The following MFHAS1 variants were observed in gnomAD, a reference collection of about 807,000 sequenced individuals.
MFHAS1 encodes multifunctional ROCO family signaling regulator 1.
In MFHAS1, 50 loss-of-function variants were observed where a neutral mutation model predicts 70.4. That is an observed-to-expected ratio of 0.71 (90% CI 0.57 to 0.90). MFHAS1 has a LOEUF of 0.90. Among genes scored for constraint, MFHAS1 ranks in the 40% least tolerant of loss-of-function variants. MFHAS1 has a pLI of 0.00. For synonymous variants in MFHAS1, 952 were observed against 620.0 expected, an observed-to-expected ratio of 1.54 and a Z score of -7.96; for missense variants, 1,795 against 1,347.6, an observed-to-expected ratio of 1.33 and a Z score of -5.20.
chr8:8,877,944 G>A (rs954953121), intron 1 of MFHAS1, among the ~76,000 whole-genome samples: 3 of 152,170 alleles, frequency 2.0e-5, no homozygotes, highest in African/African-American at 7.2e-5. Context: ...CCCTAGGCCT[G>A]CTGAAGTCTT....
intron 1 of MFHAS1, among the ~76,000 whole-genome samples, chr8:8,797,992 A>G (rs192878067): frequency 1.1e-4 from 17 of 152,358 alleles, no homozygotes; most frequent in Middle Eastern, 3.4e-3. Flanking sequence ...ACAGCCTAAG[A>G]TCAGCCCAGC....
intron 1 of MFHAS1, among the ~76,000 whole-genome samples, chr8:8,816,091 A>C (rs13259216): frequency 0.44 from 66,919 of 151,992 alleles, 16,364 homozygotes; most frequent in East Asian, 0.78. Context: ...ATTATACAAA[A>C]TTCTAGACAA....
chr8:8,824,676 T>C (rs993828039), intron 1 of MFHAS1, among the ~76,000 whole-genome samples: 24 of 152,166 alleles, frequency 1.6e-4, no homozygotes, highest in East Asian at 7.7e-4. Flanking sequence ...TGAAGAGATA[T>C]AGATCATCTC....
intron 1 of MFHAS1, among the ~76,000 whole-genome samples, chr8:8,808,176 CT>C (rs1010818027): frequency 7.9e-5 from 12 of 151,740 alleles, no homozygotes; most frequent in African/African-American, 2.2e-4. Context: ...AGACTCTCCC[CT>C]GGGAACCCTC....
Position 8,890,673 on chromosome 8 carries a change from C to A in MFHAS1, c.2386G>T (p.Gly796Trp). ...CGAATGACATGAGCTGGCAAGAGCC[C>A]ATGCAACAGAAAGCCCTCCACATAC... ...HQYVEGFLLHGLLPAHVIRLL... is the reference protein window; with the variant it reads ...HQYVEGFLLHWLLPAHVIRLL... Residue 796 changes from glycine to tryptophan, a missense_variant, in exon 1 of 3, where the codon GGG becomes TGG. Coordinates refer to ENST00000276282, the MANE Select transcript of MFHAS1 (RefSeq NM_004225.3). 1.2e-6 allele frequency: 2 copies of A among 1,613,416 alleles called. No homozygotes were observed. Among genetic ancestry groups the A allele is most frequent in the Non-Finnish European group, 1.7e-6 (2 of 1,179,576 alleles).
chr8:8,893,100 C>T lies in MFHAS1; in HGVS notation c.-42G>A. Reference sequence around the variant, plus strand: ...GACAGCCTCACGCGGACGCGGGAGCCCGCAGCTACATGCCGCGCCGCGCCC... The same window carrying T: ...GACAGCCTCACGCGGACGCGGGAGCTCGCAGCTACATGCCGCGCCGCGCCC... On this transcript the variant is annotated 5_prime_UTR_variant, in exon 1 of 3. Coordinates refer to ENST00000276282, the MANE Select transcript of MFHAS1 (RefSeq NM_004225.3). 3.6e-6 allele frequency: 5 copies of T among 1,377,592 alleles called. No individual in the cohort carries two copies. In the South Asian group the frequency reaches 6.0e-5, roughly 17 times the overall value. 85.3% of individuals were successfully genotyped at this position (1,377,592 alleles called of 1,614,324 possible).
At chr8:8,857,822 T>C (rs968713686) in intron 1 of MFHAS1, among the ~76,000 whole-genome samples, 31 of 152,216 alleles carry the variant, frequency 2.0e-4, no homozygotes, top group African/African-American at 7.5e-4. Flanking sequence ...TGTCCTACAG[T>C]GACATTGACA....
At chr8:8,818,283 A>C (rs1286112671) in intron 1 of MFHAS1, among the ~76,000 whole-genome samples, 5 of 152,148 alleles carry the variant, frequency 3.3e-5, no homozygotes, top group Non-Finnish European at 7.3e-5. Context: ...CACACCCTAC[A>C]ACCTTATTAA....
intron 1 of MFHAS1, among the ~76,000 whole-genome samples, chr8:8,802,487 GA>G (rs1425345108): frequency 6.6e-6 from 1 of 152,196 alleles, no homozygotes; most frequent in Non-Finnish European, 1.5e-5. Flanking sequence ...GACATGGCGA[GA>G]AGACACCATA....
chr8:8,892,051 G>C lies in MFHAS1; in HGVS notation c.1008C>G (p.Asp336Glu), dbSNP rs762472753. The change falls in exon 1 of 3, where the codon GAC (aspartate) becomes GAG (glutamate). Residue 336 changes from aspartate (D) to glutamate (E), a missense_variant. By Grantham distance (45) the Asp-to-Glu change is conservative. Transcript: ENST00000276282. This position sits in a 1 kb window ranked among gnomAD's most constrained non-coding sequence, Gnocchi z 4.7. ...LDNNRIRYLP[D>E]SIVELTGLEE... ...CCAGGCCGGTCAGCTCCACGATGGAGTCCGGCAGGTAGCGGATGCGGTTAT... is the reference window on the plus strand; with the variant it reads ...CCAGGCCGGTCAGCTCCACGATGGACTCCGGCAGGTAGCGGATGCGGTTAT... The C allele has an allele frequency of 2.5e-6, 4 of 1,613,444 alleles. No homozygotes were observed. The highest frequency in any genetic ancestry group is 4.5e-5 in the East Asian group (2 of 44,870).
At chr8:8,881,511 C>A (rs1809522605) in intron 1 of MFHAS1, among the ~76,000 whole-genome samples, 1 of 152,198 alleles carries the variant, frequency 6.6e-6, no homozygotes, top group African/African-American at 2.4e-5. Context: ...CACCATCAGA[C>A]CTCACGCTCC....
intron 1 of MFHAS1, among the ~76,000 whole-genome samples, chr8:8,806,557 G>C (rs1585025574): frequency 6.6e-6 from 1 of 152,162 alleles, no homozygotes; most frequent in Non-Finnish European, 1.5e-5. Context: ...ACTGTTCTCA[G>C]CATCTTCATC....
chr8:8,816,898 C>G (rs1214642440), intron 1 of MFHAS1, among the ~76,000 whole-genome samples: 1 of 152,208 alleles, frequency 6.6e-6, no homozygotes, highest in African/African-American at 2.4e-5. Context: ...CTCTAATCAA[C>G]TAAAGACATA....
intron 1 of MFHAS1, among the ~76,000 whole-genome samples, chr8:8,810,414 A>G (rs1489127692): frequency 1.3e-5 from 2 of 152,130 alleles, no homozygotes; most frequent in Non-Finnish European, 2.9e-5. Flanking sequence ...CTGAACAACA[A>G]AGGTTTGAAC....
chr8:8,866,543 C>A (rs934220550), intron 1 of MFHAS1, among the ~76,000 whole-genome samples: 1 of 152,058 alleles, frequency 6.6e-6, no homozygotes, highest in Non-Finnish European at 1.5e-5. Context: ...GTCTTCAACT[C>A]CTGGGCTCAA....
intron 1 of MFHAS1, among the ~76,000 whole-genome samples, chr8:8,820,769 G>A (rs546390821): frequency 2.5e-4 from 38 of 152,302 alleles, no homozygotes; most frequent in Admixed American, 1.6e-3. Context: ...ATCTCTAGCC[G>A]TCTGGCCAGG....
chr8:8,874,331 T>TACACAC (rs35271686), intron 1 of MFHAS1, among the ~76,000 whole-genome samples: 5 of 144,696 alleles, frequency 3.5e-5, no homozygotes, highest in African/African-American at 1.3e-4. Context: ...TATAACATTC[T>TACACAC]ACACACACAC....
chr8:8,841,010 T>A (rs1296927582), intron 1 of MFHAS1, among the ~76,000 whole-genome samples: 1 of 152,202 alleles, frequency 6.6e-6, no homozygotes, highest in Non-Finnish European at 1.5e-5. Context: ...CCCCATCACA[T>A]GTAATATTTT....
chr8:8,868,815 A>G (rs1329177490), intron 1 of MFHAS1, among the ~76,000 whole-genome samples: 1 of 152,202 alleles, frequency 6.6e-6, no homozygotes, highest in Non-Finnish European at 1.5e-5. Flanking sequence ...CTTCATATGC[A>G]AACAGCACCT....
Sources: gnomAD v4.1 joint callset for allele counts (sites outside exome capture counted in the v4.1 genomes callset) on GRCh38, gnomAD v4.1.1 for gene constraint, Gnocchi (gnomAD v3.1) non-coding constraint, MANE v1.5 for transcripts, NCBI Gene and HGNC (gene_info 2026-07-23, HGNC 2026-07-21) for gene names.